ERMARD: variants seen among roughly 807,000 people sequenced by gnomAD.
ERMARD encodes ER membrane associated RNA degradation, also known as endoplasmic reticulum membrane-associated RNA degradation protein.
Under a neutral mutation model 83.9 loss-of-function variants are expected in ERMARD, and 71 were observed. The ratio of observed to expected loss-of-function variants is 0.85; its 90% confidence interval spans 0.70 to 1.03. ERMARD has a LOEUF of 1.03. ERMARD is among the 50% of genes least tolerant of loss of function. The pLI, the probability that ERMARD is intolerant of heterozygous loss-of-function variation, is 0.00. For synonymous variants in ERMARD, 284 were observed against 298.6 expected (o/e 0.95, Z 0.50); for missense variants, 838 against 810.9 (o/e 1.03, Z -0.41).
At chr6:169,765,914 T>TCCCCAAAAGCCTTTTGA (rs1562333208) in intron 9 of ERMARD, among the ~76,000 whole-genome samples, 199 of 102,416 alleles carry the variant, frequency 1.9e-3, no homozygotes, top group African/African-American at 3.8e-3. Flanking sequence ...CTCACTGAAG[T>TCCCCAAAAGCCTTTTGA]GATTTCGTCA....
At chr6:169,758,443 C>T (rs540712172) in intron 5 of ERMARD, among the ~76,000 whole-genome samples, 14 of 152,310 alleles carry the variant, frequency 9.2e-5, no homozygotes, top group South Asian at 6.2e-4. Flanking sequence ...ATGGGCTTCA[C>T]GTCAGACAGC....
In ERMARD at chr6:169,776,481, G is replaced by A. The variant is rs762923416; in HGVS notation, c.1547G>A (p.Cys516Tyr). ...TGGCCCCAGCTTCTCCGTGAGCTCT[G>A]CAGCACACCTGTTCCCACCCTGTTC... is the stretch of plus-strand genomic sequence containing the variant. ...ETWPQLLREL[C>Y]STPVPTLFCP... The change falls in exon 16 of 18, where the codon TGC (cysteine) becomes TAC (tyrosine). Residue 516 changes from cysteine to tyrosine, a missense_variant. Coordinates refer to ENST00000366773, the MANE Select transcript of ERMARD (RefSeq NM_018341.3). 1.2e-5 allele frequency: 19 copies of A among 1,613,946 alleles called. No individual in the cohort carries two copies. In the South Asian group the frequency reaches 2.0e-4, roughly 17 times the overall value.
rs545585251 is a variant in ERMARD, at chr6:169,775,394, A to G, written c.1394+48A>G. 6 of 1,586,002 alleles carry G rather than the reference A, an allele frequency of 3.8e-6. No homozygotes were observed. In the East Asian group the frequency reaches 6.7e-5, roughly 18 times the overall value. ...GCTGACCTCAAGCTTGTCTGGTACT[A>G]TTAGTTTCAGCAGCATTTCTTCTTT... On this transcript the variant is annotated intron_variant, in intron 14 of 17. Transcript: ENST00000366773.
intron 12 of ERMARD, chr6:169,770,329 A>C (rs1210766712): frequency 6.6e-6 from 1 of 152,218 alleles, no homozygotes; most frequent in Non-Finnish European, 1.5e-5. Context: ...GTGAGTTCAT[A>C]GGAAGGTATG....
intron 1 of ERMARD, 77 bp downstream of exon 1, chr6:169,751,740 G>C (rs1219986293): frequency 7.5e-6 from 11 of 1,460,308 alleles, no homozygotes; most frequent in South Asian, 1.4e-5. Context: ...GCTCGGCTAC[G>C]CGGAGTGGGC....
intron 5 of ERMARD, among the ~76,000 whole-genome samples, chr6:169,758,224 G>C (rs902564358): frequency 3.3e-5 from 5 of 152,178 alleles, no homozygotes; most frequent in Admixed American, 2.6e-4. Context: ...CTTCCTTCTC[G>C]AGTCTTCTGG....
At chr6:169,761,060 T>A (rs537504781) in intron 8 of ERMARD, among the ~76,000 whole-genome samples, 1 of 152,350 alleles carries the variant, frequency 6.6e-6, no homozygotes, top group African/African-American at 2.4e-5. Context: ...ATAAGCCAGC[T>A]TCGTCCTTAC....
chr6:169,763,217 G>A (rs147428643), intron 9 of ERMARD, among the ~76,000 whole-genome samples: 5 of 152,176 alleles, frequency 3.3e-5, no homozygotes, highest in Non-Finnish European at 5.9e-5. Flanking sequence ...TGGCTGCAGT[G>A]ACTGAAATAG....
intron 5 of ERMARD, among the ~76,000 whole-genome samples, chr6:169,757,557 T>TA (rs1184024616): frequency 2.6e-5 from 4 of 152,168 alleles, no homozygotes; most frequent in South Asian, 2.1e-4. Context: ...ATTCAGATGT[T>TA]AAAAAAATCA....
At chr6:169,769,313 G>C (rs963460161) in intron 11 of ERMARD, among the ~76,000 whole-genome samples, 1 of 152,102 alleles carries the variant, frequency 6.6e-6, no homozygotes, top group African/African-American at 2.4e-5. Context: ...AGAAAGACTG[G>C]AATTTGATGA....
At chr6:169,761,549 T>A (rs1435334876) in intron 8 of ERMARD, among the ~76,000 whole-genome samples, 2 of 152,072 alleles carry the variant, frequency 1.3e-5, no homozygotes, top group Non-Finnish European at 2.9e-5. Context: ...ATGAAATGAG[T>A]TAGACAGTCC....
chr6:169,760,796 G>A, intron 8 of ERMARD, 40 bp downstream of exon 8: 3 of 1,398,388 alleles, frequency 2.1e-6, no homozygotes, highest in Non-Finnish European at 3.0e-6. Flanking sequence ...TGCAGTGGTT[G>A]GAGGCCATTC....
intron 17 of ERMARD, among the ~76,000 whole-genome samples, chr6:169,780,899 T>C (rs1487607303): frequency 2.0e-5 from 3 of 152,132 alleles, no homozygotes; most frequent in Non-Finnish European, 4.4e-5. Flanking sequence ...GAAACCCACA[T>C]GTTCAGGGGG....
Position 169,769,691 on chromosome 6 carries a change from A to G in ERMARD, c.1211A>G (p.Asp404Gly). The G allele has an allele frequency of 6.2e-7, 1 of 1,606,862 alleles. No individual in the cohort carries two copies. Among genetic ancestry groups the G allele is most frequent in the Non-Finnish European group, 8.5e-7 (1 of 1,176,636 alleles). ...GTACTGCTACTCAGATTCGTTGATG[A>G]CTGTCTGCTATCAGTTTTTAAGGTA... ...SLVLLLRFVD[D>G]CLLSVFKEKS... is the part of the protein sequence containing the mutation. Residue 404 changes from aspartate (D) to glycine (G), a missense_variant, in exon 12 of 18, where the codon GAC (aspartate) becomes GGC (glycine). Physicochemically the swap from Asp to Gly is moderately conservative, Grantham distance 94. Coordinates refer to ENST00000366773, the MANE Select transcript of ERMARD (RefSeq NM_018341.3).
intron 16 of ERMARD, among the ~76,000 whole-genome samples, chr6:169,777,367 A>C (rs1279667978): frequency 1.3e-5 from 2 of 152,178 alleles, no homozygotes; most frequent in Admixed American, 6.5e-5. Flanking sequence ...TTGTGGACAA[A>C]TTATGAGGGA....
intron 8 of ERMARD, 112 bp from the exon 9 acceptor site, chr6:169,762,317 C>G (rs1424711147): frequency 2.1e-6 from 2 of 945,596 alleles, no homozygotes; most frequent in Admixed American, 4.5e-5. Flanking sequence ...TCAAGCGATC[C>G]TCCCACCTTG....
intron 1 of ERMARD, 70 bp from the exon 2 acceptor site, chr6:169,753,794 T>C (rs1454838320): frequency 1.6e-6 from 2 of 1,215,610 alleles, no homozygotes; most frequent in Non-Finnish European, 2.2e-6. Context: ...TTAAGAGATG[T>C]GTCTGAAATA....
At position 169,776,659 on chromosome 6, in the gene ERMARD, G is replaced by A. The variant is rs1793640163; in HGVS notation, c.1725G>A (p.Leu575=). The A allele has an allele frequency of 1.1e-5, 17 of 1,613,790 alleles. No individual in the cohort carries two copies. The highest frequency in any genetic ancestry group is 1.3e-5 in the Non-Finnish European group (15 of 1,180,004). The change falls in exon 16 of 18, where the codon CTG becomes CTA. Residue 575 remains leucine, a synonymous_variant. Transcript: ENST00000366773. ...GGTCTCGCCAGCGGCAGAACTACCT[G>A]CGTATGTGGAGTAGGTGCGCGCTCA... ...TLRSRQRQNY[L]RMWSSIRLLS...
chr6:169,759,260 C>G (rs575419146), intron 6 of ERMARD, among the ~76,000 whole-genome samples, 195 bp downstream of exon 6: 1 of 152,040 alleles, frequency 6.6e-6, no homozygotes. Context: ...TGACTTACAC[C>G]CCAAAGGCAA....
Sources: allele counts gnomAD v4.1 joint callset (sites outside exome capture counted in the v4.1 genomes callset), GRCh38; gene constraint gnomAD v4.1.1; transcripts MANE v1.5; gene names NCBI Gene and HGNC (gene_info 2026-07-23, HGNC 2026-07-21).